Variants in CIB4 observed in about 807,000 individuals in gnomAD.
CIB4 encodes calcium and integrin-binding family member 4.
In CIB4, 25 loss-of-function variants were observed where a neutral mutation model predicts 25.8. That is an observed-to-expected ratio of 0.97 (90% CI 0.71 to 1.35). The LOEUF (loss-of-function observed/expected upper bound fraction) is 1.35. CIB4 is among the 40% of genes most tolerant of loss of function. CIB4 has a pLI of 0.00. For synonymous variants in CIB4, 75 were observed against 81.4 expected (o/e 0.92, Z 0.42); for missense variants, 235 against 228.2 (o/e 1.03, Z -0.19).
chr2:26,594,414 GGT>G (rs1668641760), intron 4 of CIB4, among the ~76,000 whole-genome samples: 1 of 152,172 alleles, frequency 6.6e-6, no homozygotes. Flanking sequence ...ATCCCACTTG[GGT>G]GAGGCAGAAA....
In CIB4 at chr2:26,641,318, A is replaced by T. The variant is rs1669631511; in HGVS notation, c.-4T>A. 6.2e-7 allele frequency: 1 copy of T among 1,613,346 alleles called. No homozygotes were observed. Among genetic ancestry groups the T allele is most frequent in the East Asian group, 2.2e-5 (1 of 44,830 alleles). ...GATACCTCAAGCATTGCCCCATGCCAACCACACCTTTCTGTCTGCCAGCAG... is the reference window on the plus strand; with the variant it reads ...GATACCTCAAGCATTGCCCCATGCCTACCACACCTTTCTGTCTGCCAGCAG... On this transcript the variant is annotated 5_prime_UTR_variant, in exon 1 of 7. Coordinates refer to ENST00000288861, the MANE Select transcript of CIB4 (RefSeq NM_001029881.3).
chr2:26,589,116 CTT>C (rs1668532978), intron 4 of CIB4, among the ~76,000 whole-genome samples: 1 of 125,028 alleles, frequency 8.0e-6, no homozygotes, highest in African/African-American at 3.9e-5. Context: ...TCCTCTTCTT[CTT>C]CTTCTTCTTC....
At chr2:26,615,958 C>T (rs1156800384) in intron 3 of CIB4, among the ~76,000 whole-genome samples, 1 of 152,208 alleles carries the variant, frequency 6.6e-6, no homozygotes, top group Non-Finnish European at 1.5e-5. Flanking sequence ...AGTTACCCTC[C>T]CAGCTCCGAC....
rs750933335 is a variant in CIB4 at position 26,582,885 on chromosome 2, T to C, written c.467A>G (p.Asp156Gly). The change falls in exon 6 of 7, where the codon GAC (aspartate) becomes GGC (glycine). Residue 156 changes from aspartate to glycine, a missense_variant. By Grantham distance (94) the Asp-to-Gly change is moderately conservative. Transcript: ENST00000288861. ...AAACTCTGAGAAGGACAGCATGTTG[T>C]CATTGTCCAGATCCGACTCACTCAG... ...HVLSESDLDN[D>G]NMLSFSEFEH... The C allele has an allele frequency of 1.2e-6, 2 of 1,613,726 alleles. No homozygotes were observed. The highest frequency in any genetic ancestry group is 1.7e-6 in the Non-Finnish European group (2 of 1,179,696).
chr2:26,619,041 A>T (rs1253771073), intron 3 of CIB4, among the ~76,000 whole-genome samples: 1 of 152,158 alleles, frequency 6.6e-6, no homozygotes, highest in African/African-American at 2.4e-5. Flanking sequence ...AAGAAGCCCC[A>T]TCGGCCCCCA....
At chr2:26,639,360 C>A (rs951736768) in intron 2 of CIB4, among the ~76,000 whole-genome samples, 1 of 151,798 alleles carries the variant, frequency 6.6e-6, no homozygotes, top group Non-Finnish European at 1.5e-5. Context: ...CCCCACCCCC[C>A]AACAGGCCCC....
In CIB4 at chr2:26,627,312, C is replaced by T. The variant is rs1404378705; in HGVS notation, c.186+2098G>A. On this transcript the variant is annotated intron_variant, in intron 3 of 6. Transcript: ENST00000288861. This position sits in a 1 kb window ranked among gnomAD's most constrained non-coding sequence, Gnocchi z 4.0. ...GTCCAGACTCTTCCATCATGTGGCC[C>T]CTTGGAAGTTGTTTCCCTCTTGGGA... 1.3e-5 allele frequency among the ~76,000 whole-genome samples: 2 copies of T among 152,196 alleles called. No individual in the cohort carries two copies. The highest frequency in any genetic ancestry group is 4.8e-5 in the African/African-American group (2 of 41,442).
In CIB4 at chr2:26,621,807, G is replaced by A. The variant is rs534399498; in HGVS notation, c.186+7603C>T. Among the ~76,000 whole-genome samples, 232 of 152,282 alleles carry A rather than the reference G, an allele frequency of 1.5e-3. 1 individual carries two copies. Among genetic ancestry groups the A allele is most frequent in the African/African-American group, 5.4e-3 (225 of 41,556 alleles). On this transcript the variant is annotated intron_variant, in intron 3 of 6. Coordinates refer to ENST00000288861, the MANE Select transcript of CIB4 (RefSeq NM_001029881.3). Reference sequence around the variant, plus strand: ...CAGGCTCAGAGGGCAACCCAGTCCTGGTTAGAGAATGTTAGAAGGCTCCAA... The same window carrying A: ...CAGGCTCAGAGGGCAACCCAGTCCTAGTTAGAGAATGTTAGAAGGCTCCAA...
intron 4 of CIB4, among the ~76,000 whole-genome samples, chr2:26,593,413 T>TAC (rs916482390): frequency 6.6e-6 from 1 of 151,864 alleles, no homozygotes; most frequent in Admixed American, 6.6e-5. Flanking sequence ...CACACATATA[T>TAC]ACACACACAT....
intron 3 of CIB4, among the ~76,000 whole-genome samples, chr2:26,606,721 A>G (rs1200243930): frequency 2.6e-5 from 4 of 152,058 alleles, no homozygotes; most frequent in Non-Finnish European, 4.4e-5. Flanking sequence ...CACTTCCTCT[A>G]TTGTCCGGGG....
intron 4 of CIB4, among the ~76,000 whole-genome samples, chr2:26,590,019 G>C (rs1035078445): frequency 1.3e-5 from 2 of 152,128 alleles, no homozygotes; most frequent in Non-Finnish European, 2.9e-5. Context: ...GTAACCTCCT[G>C]AAGCCATTGC....
rs28550733 is a variant in CIB4, at chr2:26,638,932, A to G, written c.89+1601T>C. Among the ~76,000 whole-genome samples the G allele has an allele frequency of 3.5e-3, 538 of 152,054 alleles. 4 individuals carry two copies. The highest frequency in any genetic ancestry group is 0.012 in the African/African-American group (493 of 41,480). ...GCACCACTGCACTCTAGCCTGGGAGACAGAGCAAGACTCTGTCTCAAAAAA... is the reference window on the plus strand; with the variant it reads ...GCACCACTGCACTCTAGCCTGGGAGGCAGAGCAAGACTCTGTCTCAAAAAA... On this transcript the variant is annotated intron_variant, in intron 2 of 6. Transcript: ENST00000288861.
At chr2:26,602,711 A>G (rs1473427506) in intron 3 of CIB4, among the ~76,000 whole-genome samples, 2 of 152,212 alleles carry the variant, frequency 1.3e-5, no homozygotes, top group Non-Finnish European at 2.9e-5. Context: ...ATCAAGGTTA[A>G]TATCACCAGT....
At chr2:26,607,497 C>T (rs1668914114) in intron 3 of CIB4, among the ~76,000 whole-genome samples, 1 of 152,194 alleles carries the variant, frequency 6.6e-6, no homozygotes, top group Non-Finnish European at 1.5e-5. Context: ...TCTTATAACA[C>T]ATTAAACAAT....
intron 3 of CIB4, among the ~76,000 whole-genome samples, chr2:26,620,108 T>G (rs1197398385): frequency 6.9e-6 from 1 of 145,840 alleles, no homozygotes; most frequent in African/African-American, 2.6e-5. Flanking sequence ...CTACAGACTC[T>G]GTGACTGAGG....
At chr2:26,588,551 C>T (rs1053445642) in intron 4 of CIB4, among the ~76,000 whole-genome samples, 3 of 152,230 alleles carry the variant, frequency 2.0e-5, no homozygotes, top group African/African-American at 4.8e-5. Context: ...CATTGTCACT[C>T]GAAGTCTCTG....
chr2:26,596,932 T>C (rs1668693316), intron 3 of CIB4, among the ~76,000 whole-genome samples: 1 of 152,218 alleles, frequency 6.6e-6, no homozygotes, highest in Non-Finnish European at 1.5e-5. Context: ...CCAAATTTGC[T>C]GACCTTTCCA....
intron 4 of CIB4, among the ~76,000 whole-genome samples, chr2:26,590,028 GC>G (rs961027553): frequency 1.3e-5 from 2 of 152,106 alleles, no homozygotes; most frequent in Non-Finnish European, 2.9e-5. Flanking sequence ...TGAAGCCATT[GC>G]CCCAACTCTG....
chr2:26,625,658 A>T lies in CIB4; in HGVS notation c.186+3752T>A, dbSNP rs535887835. 2.0e-5 allele frequency among the ~76,000 whole-genome samples: 3 copies of T among 152,308 alleles called. No homozygotes were observed. In the South Asian group the frequency reaches 6.2e-4, roughly 32 times the overall value. The stretch of plus-strand genomic sequence containing the variant: ...TGAGCCACTGTGCCCACCTGTGGAA[A>T]ACAGGCTCCACCCCCCCACTGCTTC... On this transcript the variant is annotated intron_variant, in intron 3 of 6. Coordinates refer to ENST00000288861, the MANE Select transcript of CIB4 (RefSeq NM_001029881.3).
Sources: allele counts gnomAD v4.1 joint callset (sites outside exome capture counted in the v4.1 genomes callset), GRCh38; gene constraint gnomAD v4.1.1; non-coding constraint Gnocchi (gnomAD v3.1); transcripts MANE v1.5; gene names NCBI Gene and HGNC (gene_info 2026-07-23, HGNC 2026-07-21).